The following SHANK2 variants were observed in gnomAD, a reference collection of about 807,000 sequenced individuals.
SHANK2 encodes SH3 and multiple ankyrin repeat domains 2.
A neutral mutation model predicts 133.7 loss-of-function variants in SHANK2; 43 were observed. The observed-to-expected ratio is 0.32, with a 90% CI of 0.25 to 0.41. SHANK2 has a LOEUF of 0.41. Ranked by LOEUF, SHANK2 falls within the 10% of genes least tolerant of loss-of-function variation. The probability of loss-of-function intolerance (pLI) is 1.00; values close to 1 mark genes in which losing one functional copy is unlikely to be tolerated. For missense variants in SHANK2, 1,994 were observed against 2,235.8 expected, an observed-to-expected ratio of 0.89 and a Z score of 2.18; for synonymous variants, 1,017 against 952.8, an observed-to-expected ratio of 1.07 and a Z score of -1.24.
intron 17 of SHANK2, among the ~76,000 whole-genome samples, chr11:70,657,320 G>A (rs2061416660): frequency 6.6e-6 from 1 of 152,176 alleles, no homozygotes; most frequent in South Asian, 2.1e-4. Context: ...GACATGTGAG[G>A]CTATTTCACA....
At chr11:71,196,577 C>T (rs1454712159) in intron 2 of SHANK2, among the ~76,000 whole-genome samples, 1 of 150,950 alleles carries the variant, frequency 6.6e-6, no homozygotes, top group Non-Finnish European at 1.5e-5. Flanking sequence ...AGCCATTGCA[C>T]GTGGCCCTGC....
rs555057335 is a variant in SHANK2 at position 70,764,304 on chromosome 11, T to C, written c.1777+34139A>G. ...ATGCATCCATTCACACATCATTCCA[T>C]CCTTTATCCCTCCCTCCTCCTTCTA... On this transcript the variant is annotated intron_variant, in intron 14 of 25. Transcript: ENST00000601538. Among the ~76,000 whole-genome samples, 6 of 141,890 alleles carry C rather than the reference T, an allele frequency of 4.2e-5. No homozygotes were observed. In the South Asian group the frequency reaches 1.4e-3, roughly 34 times the overall value. 93.1% of individuals were successfully genotyped at this position (141,890 alleles called of 152,430 possible).
At chr11:71,137,228 GA>G (rs1204284431) in intron 3 of SHANK2, among the ~76,000 whole-genome samples, 2 of 124,828 alleles carry the variant, frequency 1.6e-5, no homozygotes, top group Non-Finnish European at 3.3e-5. Flanking sequence ...AAAACTTTTT[GA>G]AAAAAAGAAA....
At chr11:71,119,971 C>T (rs1555101157) in intron 3 of SHANK2, among the ~76,000 whole-genome samples, 1 of 152,176 alleles carries the variant, frequency 6.6e-6, no homozygotes, top group Non-Finnish European at 1.5e-5. Flanking sequence ...TGACTCTGAA[C>T]ACAAAAGCTT....
At chr11:70,842,496 T>A (rs1364648343) in intron 11 of SHANK2, among the ~76,000 whole-genome samples, 1 of 152,150 alleles carries the variant, frequency 6.6e-6, no homozygotes, top group Non-Finnish European at 1.5e-5. Context: ...GCAAATGGTG[T>A]TCTAGGGCCC....
chr11:70,557,763 C>T (rs2059852197), intron 17 of SHANK2, among the ~76,000 whole-genome samples: 1 of 152,160 alleles, frequency 6.6e-6, no homozygotes, highest in African/African-American at 2.4e-5. Context: ...CCCAGTGATC[C>T]CGAGGAGGCT....
chr11:70,881,307 A>G (rs1440771068), intron 11 of SHANK2, among the ~76,000 whole-genome samples: 2 of 152,096 alleles, frequency 1.3e-5, no homozygotes, highest in Non-Finnish European at 2.9e-5. Context: ...TCGGCCTCCC[A>G]AAGTACAGGG....
chr11:71,156,493 C>A (rs1426188394), intron 2 of SHANK2, among the ~76,000 whole-genome samples: 2 of 152,184 alleles, frequency 1.3e-5, no homozygotes, highest in African/African-American at 4.8e-5. Flanking sequence ...TTCAGACTCG[C>A]TCTACCCCAG....
At chr11:71,165,894 C>A (rs1300558542) in intron 2 of SHANK2, among the ~76,000 whole-genome samples, 1 of 152,094 alleles carries the variant, frequency 6.6e-6, no homozygotes, top group Admixed American at 6.5e-5. Context: ...AGACCATGTC[C>A]GGGGAGCACC....
At chr11:70,548,725 A>G (rs1228672228) in intron 17 of SHANK2, among the ~76,000 whole-genome samples, 3 of 152,194 alleles carry the variant, frequency 2.0e-5, no homozygotes, top group Non-Finnish European at 4.4e-5. Flanking sequence ...TAACCCCCGG[A>G]GCCTGTGAGC....
chr11:70,835,121 C>T (rs544927742), intron 11 of SHANK2, among the ~76,000 whole-genome samples: 1 of 152,320 alleles, frequency 6.6e-6, no homozygotes, highest in East Asian at 1.9e-4. Context: ...TCCCTCCACG[C>T]AGCTCCAGCC....
intron 14 of SHANK2, among the ~76,000 whole-genome samples, chr11:70,704,705 C>T (rs188140969): frequency 2.2e-4 from 34 of 152,282 alleles, no homozygotes; most frequent in Non-Finnish European, 4.4e-4. Context: ...CAGCTCATGG[C>T]GGAAGACAGA....
rs781861994 is a variant in SHANK2, at chr11:70,661,810, A to AG, written c.1854-133dup. ...AGCTCGCCAGATCCAGGCAGCATGGAGGAAAGGAGGCAGCGAGGGTGCAGG... is the reference window on the plus strand; with the variant it reads ...AGCTCGCCAGATCCAGGCAGCATGGAGGGAAAGGAGGCAGCGAGGGTGCAGG... On this transcript the variant is annotated intron_variant, in intron 15 of 25. Transcript: ENST00000601538. 6.8e-6 allele frequency: 11 copies of AG among 1,611,660 alleles called. No homozygotes were observed. The African/African-American group carries it at 1.3e-4, about 20-fold the overall frequency.
Position 70,721,682 on chromosome 11 carries a change from G to C in SHANK2, c.1778-22919C>G, listed in dbSNP as rs543302134. On this transcript the variant is annotated intron_variant, in intron 14 of 25. Transcript: ENST00000601538. ...GGGGAGGTACCACTGGCATGCCACAGGCAGGGCTGGGATGTGGGACCGTCA... is the reference window on the plus strand; with the variant it reads ...GGGGAGGTACCACTGGCATGCCACACGCAGGGCTGGGATGTGGGACCGTCA... Among the ~76,000 whole-genome samples the C allele has an allele frequency of 2.3e-3, 357 of 152,346 alleles. 2 individuals carry two copies. The highest frequency in any genetic ancestry group is 3.8e-3 in the Admixed American group (58 of 15,304).
chr11:70,903,270 G>A (rs572753174), intron 10 of SHANK2, among the ~76,000 whole-genome samples: 10 of 152,048 alleles, frequency 6.6e-5, no homozygotes, highest in Non-Finnish European at 8.8e-5. Context: ...CCAGCTACTC[G>A]GGAGTCCGAG....
chr11:70,778,972 A>G (rs1591836465), intron 14 of SHANK2, among the ~76,000 whole-genome samples: 1 of 152,000 alleles, frequency 6.6e-6, no homozygotes, highest in African/African-American at 2.4e-5. Flanking sequence ...GGGGCTGTGG[A>G]GAAAAAAAGG....
chr11:70,665,986 C>T (rs1944671848), intron 15 of SHANK2, among the ~76,000 whole-genome samples: 1 of 152,168 alleles, frequency 6.6e-6, no homozygotes, highest in South Asian at 2.1e-4. Flanking sequence ...GCCCACAGCA[C>T]CCCGCATAGG....
At chr11:70,863,704 C>T (rs1461289200) in intron 11 of SHANK2, 20 of 424,194 alleles carry the variant, frequency 4.7e-5, no homozygotes, top group African/African-American at 2.5e-4. Context: ...CACCCCGTTT[C>T]GGCCTCTTTA....
chr11:71,176,381 AAAG>A lies in SHANK2; in HGVS notation c.-12-29046_-12-29044del, dbSNP rs1429152573. ...AACAATGAAAAATTATCACACATGC[AAAG>A]AAGAAAATATGACCCATAATGAGGA... is the stretch of plus-strand genomic sequence containing the variant. On this transcript the variant is annotated intron_variant, in intron 2 of 25. Transcript: ENST00000601538. Among the ~76,000 whole-genome samples, 7 of 152,356 alleles carry A rather than the reference AAAG, an allele frequency of 4.6e-5. No homozygotes were observed. The East Asian group carries it at 1.3e-3, about 29-fold the overall frequency.
Sources: allele counts gnomAD v4.1 joint callset (sites outside exome capture counted in the v4.1 genomes callset), GRCh38; gene constraint gnomAD v4.1.1; transcripts MANE v1.5; gene names NCBI Gene and HGNC (gene_info 2026-07-23, HGNC 2026-07-21).